DNAAF9: variants seen among roughly 807,000 people sequenced by gnomAD.
The protein encoded by DNAAF9 is dynein axonemal assembly factor 9, also known as shulin.
In DNAAF9, 90 loss-of-function variants were observed where a neutral mutation model predicts 167.0. The ratio of observed to expected loss-of-function variants is 0.54; its 90% CI spans 0.45 to 0.64. The LOEUF (loss-of-function observed/expected upper bound fraction) is 0.64, where lower values mean the gene tolerates loss of function less well. Among genes scored for constraint, DNAAF9 ranks in the 30% least tolerant of loss-of-function variants. The pLI is 0.00. For missense variants in DNAAF9, 1,315 were observed against 1,442.2 expected, an observed-to-expected ratio of 0.91 and a Z score of 1.43; for synonymous variants, 491 against 508.8, an observed-to-expected ratio of 0.96 and a Z score of 0.47.
chr20:3,285,750 G>T (rs1208440773), intron 27 of DNAAF9, among the ~76,000 whole-genome samples: 2 of 148,674 alleles, frequency 1.3e-5, no homozygotes, highest in African/African-American at 2.5e-5. Flanking sequence ...AGGCTGAGGT[G>T]GGCGGATCAC....
At chr20:3,383,615 A>G (rs906956498) in intron 1 of DNAAF9, among the ~76,000 whole-genome samples, 1 of 151,970 alleles carries the variant, frequency 6.6e-6, no homozygotes, top group Non-Finnish European at 1.5e-5. Context: ...CTACTACATC[A>G]TTATTAACTA....
At chr20:3,344,667 A>T (rs1221224320) in intron 8 of DNAAF9, among the ~76,000 whole-genome samples, 1 of 151,648 alleles carries the variant, frequency 6.6e-6, no homozygotes, top group Non-Finnish European at 1.5e-5. Context: ...AATAAATTTA[A>T]TCTGCAGCTC....
At chr20:3,293,364 C>T (rs1205049963) in intron 25 of DNAAF9, among the ~76,000 whole-genome samples, 3 of 141,672 alleles carry the variant, frequency 2.1e-5, no homozygotes, top group African/African-American at 2.7e-5. Flanking sequence ...GTCAAGAAGA[C>T]GAAGTGTGAG....
chr20:3,329,422 G>A (rs1371551736), intron 12 of DNAAF9, among the ~76,000 whole-genome samples: 2 of 152,214 alleles, frequency 1.3e-5, no homozygotes, highest in African/African-American at 4.8e-5. Flanking sequence ...GCCCCCCAGA[G>A]TCCTGGGATT....
chr20:3,403,041 C>G (rs1387494591), intron 1 of DNAAF9, among the ~76,000 whole-genome samples: 2 of 152,138 alleles, frequency 1.3e-5, no homozygotes, highest in African/African-American at 4.8e-5. Flanking sequence ...CTCCCTGTTA[C>G]AGACATCTAC....
intron 6 of DNAAF9, among the ~76,000 whole-genome samples, chr20:3,371,524 T>C (rs1270937404): frequency 1.3e-5 from 2 of 151,894 alleles, no homozygotes; most frequent in African/African-American, 4.8e-5. Context: ...TTTGTATTTT[T>C]AGTAGAGACG....
intron 6 of DNAAF9, among the ~76,000 whole-genome samples, chr20:3,365,433 C>G (rs1464295505): frequency 1.3e-5 from 2 of 151,314 alleles, no homozygotes; most frequent in African/African-American, 4.9e-5. Context: ...GCTCTGTTGC[C>G]CAGGCTGGGG....
In DNAAF9 at chr20:3,382,453, C is replaced by T. The variant is rs781164077; in HGVS notation, c.137G>A (p.Arg46Gln). The change falls in exon 2 of 37, where the codon CGG becomes CAG. Residue 46 changes from arginine (R) to glutamine (Q), a missense_variant. Coordinates refer to ENST00000252032, the MANE Select transcript of DNAAF9 (RefSeq NM_001009984.3). ...TAGGATGCAGAGGATCCCATCCGGC[C>T]GAGACTTGCTGCTCTGGGTCAGGAT... is the stretch of plus-strand genomic sequence containing the variant. The part of the protein sequence containing the change: ...QSILTQSSKS[R>Q]PDGILCILGI... 1.5e-5 allele frequency: 24 copies of T among 1,613,738 alleles called. No individual in the cohort carries two copies. Among genetic ancestry groups the T allele is most frequent in the East Asian group, 2.2e-5 (1 of 44,892 alleles).
intron 10 of DNAAF9, among the ~76,000 whole-genome samples, chr20:3,337,440 G>GA (rs72138571): frequency 7.4e-6 from 1 of 134,402 alleles, no homozygotes. Context: ...CTTTTTTTTT[G>GA]TTTTTTTTTT....
At chr20:3,369,379 A>C (rs1367430981) in intron 6 of DNAAF9, among the ~76,000 whole-genome samples, 1 of 147,520 alleles carries the variant, frequency 6.8e-6, no homozygotes, top group Non-Finnish European at 1.5e-5. Context: ...TTTAAAGTTA[A>C]CTTTTTTTTT....
intron 28 of DNAAF9, 27 bp downstream of exon 28, chr20:3,281,614 C>A (rs373873442): frequency 2.4e-5 from 37 of 1,561,352 alleles, no homozygotes; most frequent in Middle Eastern, 1.7e-4. Context: ...ACTTTCAGTA[C>A]ACTTACACAC....
rs543601415 is a variant in DNAAF9, at chr20:3,360,874, T to C, written c.613-1281A>G. Among the ~76,000 whole-genome samples the C allele has an allele frequency of 1.0e-3, 152 of 152,202 alleles. 1 individual carries two copies. The highest frequency in any genetic ancestry group is 1.8e-3 in the Admixed American group (27 of 15,274). The stretch of plus-strand genomic sequence containing the variant: ...TGCTTCCAAGTGTCTTCATGTGGCC[T>C]TTCTCCGAGTTTAACCACCAAGGAC... On this transcript the variant is annotated intron_variant, in intron 6 of 36. Coordinates refer to ENST00000252032, the MANE Select transcript of DNAAF9 (RefSeq NM_001009984.3).
chr20:3,353,064 C>T (rs931856591), intron 7 of DNAAF9, among the ~76,000 whole-genome samples: 2 of 148,770 alleles, frequency 1.3e-5, no homozygotes, highest in Non-Finnish European at 3.0e-5. Context: ...GTATATATAA[C>T]ACATTATATA....
rs141013002 is a variant in DNAAF9 at position 3,321,703 on chromosome 20, G to A, written c.1356+514C>T. ...CCTGCCTCAGCCTCCTGAGGAGGTC[G>A]GGCTACAGGTGCATGCCACCACACC... On this transcript the variant is annotated intron_variant, in intron 16 of 36. Transcript: ENST00000252032. 6.6e-3 allele frequency among the ~76,000 whole-genome samples: 1,001 copies of A among 152,210 alleles called. 5 individuals are homozygous for A. Among genetic ancestry groups the A allele is most frequent in the Middle Eastern group, 0.014 (4 of 294 alleles).
At chr20:3,308,473 G>A (rs1057394573) in intron 20 of DNAAF9, among the ~76,000 whole-genome samples, 1 of 151,126 alleles carries the variant, frequency 6.6e-6, no homozygotes, top group Non-Finnish European at 1.5e-5. Flanking sequence ...CTCCCAAGTA[G>A]CTGGGATTAC....
intron 9 of DNAAF9, among the ~76,000 whole-genome samples, chr20:3,342,264 C>A (rs753983816): frequency 1.3e-4 from 20 of 152,148 alleles, no homozygotes; most frequent in Non-Finnish European, 2.6e-4. Flanking sequence ...TCCCATTTAT[C>A]TCTGTTCATT....
intron 23 of DNAAF9, among the ~76,000 whole-genome samples, chr20:3,295,243 G>A (rs895790164): frequency 3.3e-5 from 5 of 151,818 alleles, no homozygotes; most frequent in African/African-American, 9.7e-5. Flanking sequence ...CACGATCTCG[G>A]CTCATTGCAA....
At chr20:3,343,232 G>A (rs575937916) in intron 9 of DNAAF9, among the ~76,000 whole-genome samples, 15 of 152,200 alleles carry the variant, frequency 9.9e-5, no homozygotes, top group African/African-American at 2.2e-4. Flanking sequence ...GCACGATCTC[G>A]GCTCACTGCA....
chr20:3,263,494 G>A (rs1369403715), intron 31 of DNAAF9, among the ~76,000 whole-genome samples: 2 of 152,166 alleles, frequency 1.3e-5, no homozygotes, highest in African/African-American at 4.8e-5. Context: ...ATGCCTAAGA[G>A]AAAAAGCTCT....
Sources: gnomAD v4.1 joint callset for allele counts (sites outside exome capture counted in the v4.1 genomes callset) on GRCh38, gnomAD v4.1.1 for gene constraint, MANE v1.5 for transcripts, NCBI Gene and HGNC (gene_info 2026-07-23, HGNC 2026-07-21) for gene names.